The following ELMOD1 variants were observed in gnomAD, a reference collection of about 807,000 sequenced individuals.
ELMOD1 encodes the protein ELMO domain containing 1.
A neutral mutation model predicts 46.7 loss-of-function variants in ELMOD1; 21 were observed. The ratio of observed to expected loss-of-function variants is 0.45; its 90% CI spans 0.32 to 0.65. The LOEUF is 0.65. Among genes scored for constraint, ELMOD1 ranks in the 30% least tolerant of loss-of-function variants. ELMOD1 has a pLI of 0.04. For synonymous variants in ELMOD1, 122 were observed against 138.2 expected (o/e 0.88, Z 0.82); for missense variants, 348 against 407.8 (o/e 0.85, Z 1.26).
At chr11:107,612,942 T>C (rs1216418259) in intron 1 of ELMOD1, among the ~76,000 whole-genome samples, 1 of 152,214 alleles carries the variant, frequency 6.6e-6, no homozygotes, top group African/African-American at 2.4e-5. Flanking sequence ...TGAGATCTAA[T>C]TGTTATCTTT....
At chr11:107,609,708 G>GA (rs1391068931) in intron 1 of ELMOD1, among the ~76,000 whole-genome samples, 79 of 151,478 alleles carry the variant, frequency 5.2e-4, no homozygotes, top group African/African-American at 1.9e-3. Context: ...AGCTGGAAAA[G>GA]AAAAAAAGAC....
chr11:107,633,457 G>C (rs889768010), intron 5 of ELMOD1, among the ~76,000 whole-genome samples: 1 of 151,954 alleles, frequency 6.6e-6, no homozygotes, highest in African/African-American at 2.4e-5. Context: ...TTTGAGACAA[G>C]AGTCTTGCTC....
At chr11:107,626,650 C>CTT (rs1866048400) in intron 2 of ELMOD1, among the ~76,000 whole-genome samples, 4 of 109,964 alleles carry the variant, frequency 3.6e-5, no homozygotes, top group African/African-American at 3.5e-5. Flanking sequence ...CTCTCTCTTT[C>CTT]TTTCTTTTTC....
At chr11:107,634,780 A>G (rs1398517607) in intron 5 of ELMOD1, among the ~76,000 whole-genome samples, 1 of 152,100 alleles carries the variant, frequency 6.6e-6, no homozygotes, top group East Asian at 1.9e-4. Flanking sequence ...CATCTGAAAT[A>G]AGATGTCCCA....
intron 1 of ELMOD1, among the ~76,000 whole-genome samples, chr11:107,601,469 G>A (rs1194993103): frequency 1.4e-4 from 19 of 139,300 alleles, no homozygotes; most frequent in African/African-American, 5.1e-4. Context: ...AGGCTGGAGT[G>A]CAGTGGCATG....
At chr11:107,606,046 C>T (rs185695410) in intron 1 of ELMOD1, among the ~76,000 whole-genome samples, 2 of 151,926 alleles carry the variant, frequency 1.3e-5, no homozygotes, top group Admixed American at 1.3e-4. Context: ...CTTTTCTTTC[C>T]TTCTCTTTCT....
chr11:107,638,858 A>C (rs2135697520), intron 6 of ELMOD1, among the ~76,000 whole-genome samples: 1 of 152,332 alleles, frequency 6.6e-6, no homozygotes, highest in Admixed American at 6.5e-5. Flanking sequence ...GTTTTTACAA[A>C]GTTTGTGCCC....
chr11:107,619,143 T>G (rs190606672), intron 2 of ELMOD1, among the ~76,000 whole-genome samples: 80 of 152,304 alleles, frequency 5.3e-4, no homozygotes, highest in African/African-American at 1.8e-3. Context: ...GTTCCATTGT[T>G]GTTTCTGGAG....
At chr11:107,611,202 A>G (rs1474996268) in intron 1 of ELMOD1, among the ~76,000 whole-genome samples, 3 of 152,174 alleles carry the variant, frequency 2.0e-5, no homozygotes, top group African/African-American at 7.2e-5. Flanking sequence ...AAATATTCAC[A>G]AACTATGCAT....
chr11:107,611,894 A>G (rs1290892709), intron 1 of ELMOD1, among the ~76,000 whole-genome samples: 2 of 152,166 alleles, frequency 1.3e-5, no homozygotes, highest in African/African-American at 4.8e-5. Flanking sequence ...GGCTGGGAGA[A>G]AAGGGAATGT....
At chr11:107,638,948 A>C (rs1866275615) in intron 6 of ELMOD1, among the ~76,000 whole-genome samples, 1 of 151,762 alleles carries the variant, frequency 6.6e-6, no homozygotes, top group South Asian at 2.1e-4. Context: ...GGAGTTCAAG[A>C]CCAGCCTGAG....
At chr11:107,599,601 G>A (rs539831806) in intron 1 of ELMOD1, among the ~76,000 whole-genome samples, 49 of 151,902 alleles carry the variant, frequency 3.2e-4, no homozygotes, top group African/African-American at 1.2e-3. Context: ...AATTAGCCTG[G>A]TATGGTGGCA....
chr11:107,641,314 T>A (rs1379122423), intron 6 of ELMOD1, among the ~76,000 whole-genome samples: 3 of 124,004 alleles, frequency 2.4e-5, no homozygotes, highest in Admixed American at 2.3e-4. Context: ...AGAAAAAAAA[T>A]AAGTATATAT....
chr11:107,634,217 C>T (rs1404390630), intron 5 of ELMOD1, among the ~76,000 whole-genome samples: 2 of 152,142 alleles, frequency 1.3e-5, no homozygotes, highest in Non-Finnish European at 2.9e-5. Flanking sequence ...AAATACATGA[C>T]TCTAAAGAAT....
At chr11:107,648,907 G>A (rs1273395912) in intron 7 of ELMOD1, among the ~76,000 whole-genome samples, 3 of 151,774 alleles carry the variant, frequency 2.0e-5, no homozygotes, top group Non-Finnish European at 4.4e-5. Context: ...TGAGTCAAAG[G>A]GTCCTTTCAA....
At chr11:107,634,929 G>A (rs1239537809) in intron 5 of ELMOD1, among the ~76,000 whole-genome samples, 2 of 152,184 alleles carry the variant, frequency 1.3e-5, no homozygotes, top group East Asian at 1.9e-4. Flanking sequence ...AATAAGCAAA[G>A]CAGATTTTGT....
chr11:107,621,429 G>A (rs982872156), intron 2 of ELMOD1, among the ~76,000 whole-genome samples: 1 of 152,158 alleles, frequency 6.6e-6, no homozygotes, highest in African/African-American at 2.4e-5. Flanking sequence ...CTACAAATTG[G>A]ATTTTTAAGT....
intron 5 of ELMOD1, among the ~76,000 whole-genome samples, chr11:107,632,413 G>C (rs1022972661): frequency 6.6e-6 from 1 of 152,174 alleles, no homozygotes; most frequent in African/African-American, 2.4e-5. Context: ...TGTTACCTTT[G>C]AGAAAGGCTT....
At chr11:107,649,836 A>T (rs1866494650) in intron 7 of ELMOD1, among the ~76,000 whole-genome samples, 2 of 152,204 alleles carry the variant, frequency 1.3e-5, no homozygotes, top group Admixed American at 1.3e-4. Flanking sequence ...TCCCCTTAGA[A>T]TAAAATGTTA....
Sources: gnomAD v4.1 joint callset for allele counts (sites outside exome capture counted in the v4.1 genomes callset) on GRCh38, gnomAD v4.1.1 for gene constraint, MANE v1.5 for transcripts, NCBI Gene and HGNC (gene_info 2026-07-23, HGNC 2026-07-21) for gene names.